Variants in POU2AF2 observed in about 807,000 individuals in gnomAD.
The protein encoded by POU2AF2 is POU class 2 homeobox associating factor 2, also known as POU domain class 2-associating factor 2.
the POU2AF2 span, among the ~76,000 whole-genome samples, chr11:111,248,225 T>C: frequency 6.6e-6 from 1 of 152,180 alleles, no homozygotes; most frequent in African/African-American, 2.4e-5. Context: ...CCTGAGTTCC[T>C]AGTGGGCGTA....
chr11:111,269,632 G>T, the POU2AF2 span, among the ~76,000 whole-genome samples: 1 of 152,060 alleles, frequency 6.6e-6, no homozygotes, highest in African/African-American at 2.4e-5. Context: ...CATCTGGCAG[G>T]GATGTAGTTC....
At chr11:111,280,582 T>G in the POU2AF2 span, among the ~76,000 whole-genome samples, 1 of 152,198 alleles carries the variant, frequency 6.6e-6, no homozygotes. Context: ...CTACACCACC[T>G]GCCCGTTAGT....
the POU2AF2 span, among the ~76,000 whole-genome samples, chr11:111,281,796 A>G: frequency 2.0e-5 from 3 of 152,200 alleles, no homozygotes; most frequent in Admixed American, 6.5e-5. Flanking sequence ...GGAGTCAGGC[A>G]TTTGGTTCAG....
the POU2AF2 span, among the ~76,000 whole-genome samples, chr11:111,248,214 C>T: frequency 1.3e-3 from 199 of 152,226 alleles, no homozygotes; most frequent in African/African-American, 4.7e-3. Context: ...AAACCACTAA[C>T]CCTGAGTTCC....
the POU2AF2 span, among the ~76,000 whole-genome samples, chr11:111,276,810 CA>C: frequency 6.8e-6 from 1 of 147,272 alleles, no homozygotes; most frequent in Non-Finnish European, 1.5e-5. Context: ...CTTTCAAATA[CA>C]AAGTCAAAAC....
chr11:111,263,145 C>A, the POU2AF2 span, among the ~76,000 whole-genome samples: 1 of 152,226 alleles, frequency 6.6e-6, no homozygotes, highest in Non-Finnish European at 1.5e-5. Context: ...GTTCATCCTA[C>A]ATATCAGCTA....
the POU2AF2 span, among the ~76,000 whole-genome samples, chr11:111,276,453 A>AATATATATATATATATAT: frequency 2.9e-4 from 11 of 37,626 alleles, no homozygotes; most frequent in East Asian, 2.4e-3. Flanking sequence ...AAAAAAAAAA[A>AATATATATATATATATAT]ATATATATAT....
the POU2AF2 span, among the ~76,000 whole-genome samples, chr11:111,274,144 T>C: frequency 2.6e-5 from 4 of 152,236 alleles, no homozygotes; most frequent in African/African-American, 9.6e-5. Flanking sequence ...GGCTTTTCTC[T>C]CCTGACCCGT....
At chr11:111,279,431 G>C in the POU2AF2 span, among the ~76,000 whole-genome samples, 1 of 152,182 alleles carries the variant, frequency 6.6e-6, no homozygotes, top group African/African-American at 2.4e-5. Context: ...CAAAATCAAG[G>C]TGTCAGCAGG....
chr11:111,273,502 A>C, the POU2AF2 span, among the ~76,000 whole-genome samples: 2 of 152,360 alleles, frequency 1.3e-5, no homozygotes, highest in Non-Finnish European at 2.9e-5. Context: ...CCTGTTCACA[A>C]GTGGCTATGA....
At chr11:111,267,443 G>T in the POU2AF2 span, among the ~76,000 whole-genome samples, 15 of 152,230 alleles carry the variant, frequency 9.9e-5, no homozygotes, top group East Asian at 2.7e-3. Flanking sequence ...GACCTCTGGG[G>T]CCTACTCACA....
chr11:111,271,348 G>A, the POU2AF2 span, among the ~76,000 whole-genome samples: 46 of 152,092 alleles, frequency 3.0e-4, no homozygotes, highest in African/African-American at 1.1e-3. Flanking sequence ...AGAGAGTTCT[G>A]AAGGATCACT....
the POU2AF2 span, among the ~76,000 whole-genome samples, chr11:111,248,406 T>C: frequency 6.6e-6 from 1 of 152,172 alleles, no homozygotes; most frequent in African/African-American, 2.4e-5. Flanking sequence ...GCCATTGCAC[T>C]GTCCAGGACC....
chr11:111,255,691 C>T, the POU2AF2 span, among the ~76,000 whole-genome samples: 1,246 of 152,280 alleles, frequency 8.2e-3, 12 homozygotes, highest in Non-Finnish European at 0.013. Context: ...ATTTGTAAAC[C>T]TTGCCAGAGT....
At chr11:111,269,197 T>A in the POU2AF2 span, among the ~76,000 whole-genome samples, 3 of 92,296 alleles carry the variant, frequency 3.3e-5, no homozygotes, top group Non-Finnish European at 2.2e-5. Context: ...CTACAAAGAA[T>A]TTAAAAAGAA....
the POU2AF2 span, among the ~76,000 whole-genome samples, chr11:111,268,830 G>T: frequency 1.3e-5 from 2 of 151,988 alleles, no homozygotes; most frequent in Non-Finnish European, 2.9e-5. Flanking sequence ...TTACAGACAT[G>T]AGCCACCGCA....
At chr11:111,266,242 G>T in the POU2AF2 span, among the ~76,000 whole-genome samples, 1 of 152,098 alleles carries the variant, frequency 6.6e-6, no homozygotes, top group African/African-American at 2.4e-5. Flanking sequence ...CTTCTGAGGG[G>T]TGCAGATGGG....
the POU2AF2 span, among the ~76,000 whole-genome samples, chr11:111,267,402 C>T: frequency 6.6e-6 from 1 of 152,236 alleles, no homozygotes; most frequent in South Asian, 2.1e-4. Context: ...GCCGTCCTGA[C>T]CTTGCAGAAG....
At chr11:111,246,350 A>G in the POU2AF2 span, among the ~76,000 whole-genome samples, 23 of 152,196 alleles carry the variant, frequency 1.5e-4, no homozygotes, top group East Asian at 9.6e-4. Context: ...ACATATGATA[A>G]GGAAGAGTCT....
Sources: gnomAD v4.1 joint callset for allele counts (sites outside exome capture counted in the v4.1 genomes callset) on GRCh38, gnomAD v4.1.1 for gene constraint, MANE v1.5 for transcripts, NCBI Gene and HGNC (gene_info 2026-07-23, HGNC 2026-07-21) for gene names.